The following ZZEF1 variants were observed in gnomAD, a reference collection of about 807,000 sequenced individuals.
ZZEF1 encodes the protein zinc finger ZZ-type and EF-hand domain-containing protein 1.
A neutral mutation model predicts 342.8 loss-of-function variants in ZZEF1; 157 were observed. The observed-to-expected ratio is 0.46, with a 90% CI of 0.40 to 0.52. ZZEF1 has a LOEUF of 0.52. Ranked by LOEUF, ZZEF1 falls within the 20% of genes least tolerant of loss-of-function variation. The pLI is 0.00. For synonymous variants in ZZEF1, 1,505 were observed against 1,429.1 expected (o/e 1.05, Z -1.20); for missense variants, 3,480 against 3,725.6 (o/e 0.93, Z 1.72).
chr17:4,124,142 T>C, intron 1 of ZZEF1, 91 bp from the exon 2 acceptor site: 1 of 1,424,730 alleles, frequency 7.0e-7, no homozygotes, highest in Non-Finnish European at 9.3e-7. Flanking sequence ...TCGAGACCGG[T>C]GATTTATTTA....
chr17:4,126,529 A>G (rs967059709), intron 1 of ZZEF1, among the ~76,000 whole-genome samples: 7 of 152,226 alleles, frequency 4.6e-5, no homozygotes, highest in African/African-American at 1.7e-4. Context: ...TGATCCAAGA[A>G]GGTGGAATTC....
Position 4,013,578 on chromosome 17 carries a change from C to T in ZZEF1, c.8450G>A (p.Arg2817Lys). The change falls in exon 52 of 55, where the codon AGG becomes AAG. Residue 2817 changes from arginine (R) to lysine (K), a missense_variant. By Grantham distance (26) the Arg-to-Lys change is conservative. Transcript: ENST00000381638. Reference sequence around the variant, plus strand: ...TGCCAATGGGAGATGAGGCACGACCCTTTCTTCTGACAACATCTGCTTCAA... The same window carrying T: ...TGCCAATGGGAGATGAGGCACGACCTTTTCTTCTGACAACATCTGCTTCAA... Reference protein sequence around the residue: ...EILKQMLSEERVVPHLPLAKI... With the variant: ...EILKQMLSEEKVVPHLPLAKI... 1 of 1,613,828 alleles carries T rather than the reference C, an allele frequency of 6.2e-7. No homozygotes were observed. The highest frequency in any genetic ancestry group is 8.5e-7 in the Non-Finnish European group (1 of 1,179,836).
At position 4,123,902 on chromosome 17, in the gene ZZEF1, C is replaced by G. The variant is rs758187115; in HGVS notation, c.499+5G>C. 2 of 1,611,804 alleles carry G rather than the reference C, an allele frequency of 1.2e-6. No homozygotes were observed. The highest frequency in any genetic ancestry group is 2.2e-5 in the South Asian group (2 of 90,680). Reference sequence around the variant, plus strand: ...TCTAAGACAGCACCTAGATGGAAGCCTCACCTGGAACCAGAGAGCAGGCCT... The same window carrying G: ...TCTAAGACAGCACCTAGATGGAAGCGTCACCTGGAACCAGAGAGCAGGCCT... On this transcript the variant is annotated splice_donor_5th_base_variant and intron_variant, in intron 2 of 54. Transcript: ENST00000381638.
At chr17:4,095,713 G>T in intron 11 of ZZEF1, 118 bp downstream of exon 11, 2 of 1,082,708 alleles carry the variant, frequency 1.8e-6, no homozygotes, top group Non-Finnish European at 1.3e-6. Flanking sequence ...GATTAGTGGC[G>T]CCTTTTCTAT....
intron 38 of ZZEF1, among the ~76,000 whole-genome samples, chr17:4,043,025 T>C (rs1043206060): frequency 6.6e-6 from 1 of 152,202 alleles, no homozygotes; most frequent in African/African-American, 2.4e-5. Flanking sequence ...ATGTCTGCGC[T>C]CAGCTGTTTC....
intron 9 of ZZEF1, among the ~76,000 whole-genome samples, chr17:4,100,054 T>G (rs561248576): frequency 6.6e-6 from 1 of 152,322 alleles, no homozygotes. Flanking sequence ...GTTAGCCCCC[T>G]GAAGTATCAG....
In ZZEF1 at chr17:4,049,797, C is replaced by A; in HGVS notation, c.5926G>T (p.Ala1976Ser). ...CCGGTGGGCACAGTGACTGGTAGGG[C>A]CTGATCTTCTAGGCTCGAGTCCCCA... Reference protein sequence around the residue: ...PDGDSSLEDQALPVTVPTGAS... With the variant: ...PDGDSSLEDQSLPVTVPTGAS... The change falls in exon 37 of 55, where the codon GCC becomes TCC. Residue 1976 changes from alanine to serine, a missense_variant. By Grantham distance (99) the Ala-to-Ser change is moderately conservative. Coordinates refer to ENST00000381638, the MANE Select transcript of ZZEF1 (RefSeq NM_015113.4). 1 of 1,614,166 alleles carries A rather than the reference C, an allele frequency of 6.2e-7. No homozygotes were observed.
At position 4,117,034 on chromosome 17, in the gene ZZEF1, A is replaced by G. The variant is rs1184515548; in HGVS notation, c.632T>C (p.Met211Thr). 1 of 1,613,994 alleles carries G rather than the reference A, an allele frequency of 6.2e-7. No homozygotes were observed. Among genetic ancestry groups the G allele is most frequent in the Non-Finnish European group, 8.5e-7 (1 of 1,179,912 alleles). Residue 211 changes from methionine (M) to threonine (T), a missense_variant, in exon 3 of 55, where the codon ATG becomes ACG. Met to Thr is a moderately conservative substitution (Grantham distance 81, BLOSUM62 -1). Coordinates refer to ENST00000381638, the MANE Select transcript of ZZEF1 (RefSeq NM_015113.4). The stretch of plus-strand genomic sequence containing the variant: ...CAGGACGGAAGACCGCATGGTGCAC[A>G]TGTTATTGCAGTGCTCCAGCATCGG... ...PYPMLEHCNN[M>T]CTMRSSVLKE... is the part of the protein sequence containing the mutation.
chr17:4,128,345 T>TAAAAAAA (rs74340131), intron 1 of ZZEF1, among the ~76,000 whole-genome samples: 1 of 81,564 alleles, frequency 1.2e-5, no homozygotes, highest in South Asian at 4.8e-4. Context: ...CAGACTGTCT[T>TAAAAAAA]AAAAAAAAAA....
rs1256706337 is a variant in ZZEF1 at position 4,016,484 on chromosome 17, G to C, written c.8002-18C>G. On this transcript the variant is annotated intron_variant, in intron 48 of 54. Transcript: ENST00000381638. The surrounding 1 kb of genome is among the most constrained non-coding windows in gnomAD (Gnocchi z 4.4). ...TGCAGGATCTGGTGGGAAGCAGACA[G>C]ATAAGGTCAGGGCCTGCAAGTGGCA... 1.3e-5 allele frequency: 21 copies of C among 1,600,164 alleles called. No homozygotes were observed. The highest frequency in any genetic ancestry group is 1.8e-5 in the Non-Finnish European group (21 of 1,176,922).
chr17:4,009,669 C>A lies in ZZEF1; in HGVS notation c.8668G>T (p.Gly2890Cys). 6.2e-7 allele frequency: 1 copy of A among 1,614,036 alleles called. No individual in the cohort carries two copies. The highest frequency in any genetic ancestry group is 8.5e-7 in the Non-Finnish European group (1 of 1,180,018). ...YGLFEDVTQP[G>C]ILLPLHRALT... is the part of the protein sequence containing the mutation. ...GCACGATGCAGGGGAAGGAGGATGCCGGGCTGCGTCACGTCCTCAAACAGG... is the reference window on the plus strand; with the variant it reads ...GCACGATGCAGGGGAAGGAGGATGCAGGGCTGCGTCACGTCCTCAAACAGG... Residue 2890 changes from glycine (G) to cysteine (C), a missense_variant, in exon 53 of 55, where the codon GGC (glycine) becomes TGC (cysteine). By Grantham distance (159) the Gly-to-Cys change is radical. Coordinates refer to ENST00000381638, the MANE Select transcript of ZZEF1 (RefSeq NM_015113.4).
intron 11 of ZZEF1, among the ~76,000 whole-genome samples, chr17:4,091,667 C>A (rs1034773055): frequency 4.6e-5 from 7 of 151,974 alleles, no homozygotes; most frequent in Non-Finnish European, 5.9e-5. Flanking sequence ...ATCTCAGCTA[C>A]TCAGGAGGCT....
At chr17:4,050,382 T>C (rs545656580) in intron 36 of ZZEF1, among the ~76,000 whole-genome samples, 7 of 152,296 alleles carry the variant, frequency 4.6e-5, no homozygotes, top group Admixed American at 1.3e-4. Flanking sequence ...TGTCGATATA[T>C]TGCTAAACTA....
Position 4,109,458 on chromosome 17 carries a change from T to G in ZZEF1, c.1277+195A>C, listed in dbSNP as rs527454323. Among the ~76,000 whole-genome samples the G allele has an allele frequency of 2.0e-5, 3 of 152,176 alleles. No homozygotes were observed. In the East Asian group the frequency reaches 5.8e-4, roughly 29 times the overall value. On this transcript the variant is annotated intron_variant, in intron 6 of 54. Coordinates refer to ENST00000381638, the MANE Select transcript of ZZEF1 (RefSeq NM_015113.4). ...GTGGAATGGGCACTTTTTCAGTCTGTAAAGTCAGAACGTCAATCAAAGAGA... is the reference window on the plus strand; with the variant it reads ...GTGGAATGGGCACTTTTTCAGTCTGGAAAGTCAGAACGTCAATCAAAGAGA...
chr17:4,075,522 A>G, intron 21 of ZZEF1, 93 bp from the exon 22 acceptor site: 1 of 1,453,048 alleles, frequency 6.9e-7, no homozygotes, highest in Admixed American at 2.1e-5. Context: ...TGCTCCAGGC[A>G]GATGGCCTTG....
At chr17:4,137,946 G>A (rs1226666835) in intron 1 of ZZEF1, among the ~76,000 whole-genome samples, 3 of 152,216 alleles carry the variant, frequency 2.0e-5, no homozygotes, top group Non-Finnish European at 4.4e-5. Flanking sequence ...TCCATACACA[G>A]GACAAAGGAG....
chr17:4,131,910 C>T (rs374352018), intron 1 of ZZEF1, among the ~76,000 whole-genome samples: 25 of 152,190 alleles, frequency 1.6e-4, no homozygotes, highest in African/African-American at 5.1e-4. Context: ...GGACAGGGGA[C>T]GTGCATGCAT....
At chr17:4,011,955 C>A (rs9901950) in intron 52 of ZZEF1, among the ~76,000 whole-genome samples, 1 of 152,104 alleles carries the variant, frequency 6.6e-6, no homozygotes, top group Non-Finnish European at 1.5e-5. Flanking sequence ...AGGCAGGCCC[C>A]TCTCTCACTC....
intron 9 of ZZEF1, 66 bp downstream of exon 9, chr17:4,102,251 G>C: frequency 7.1e-7 from 1 of 1,400,760 alleles, no homozygotes; most frequent in Non-Finnish European, 1.0e-6. Context: ...AAAGTCTGGA[G>C]TGTGCTTTCA....
Sources: gnomAD v4.1 joint callset for allele counts (sites outside exome capture counted in the v4.1 genomes callset) on GRCh38, gnomAD v4.1.1 for gene constraint, Gnocchi (gnomAD v3.1) non-coding constraint, MANE v1.5 for transcripts, NCBI Gene and HGNC (gene_info 2026-07-23, HGNC 2026-07-21) for gene names.